The following P2RX1 variants were observed in gnomAD, a reference collection of about 807,000 sequenced individuals.
The protein encoded by P2RX1 is purinergic receptor P2X 1, also known as P2X purinoceptor 1.
A neutral mutation model predicts 50.3 loss-of-function variants in P2RX1; 42 were observed. That is an observed-to-expected ratio of 0.83 (90% confidence interval 0.65 to 1.08). The LOEUF is 1.08. Ranked by LOEUF, P2RX1 falls within the 50% of genes least tolerant of loss-of-function variation. The pLI, the probability that P2RX1 is intolerant of heterozygous loss-of-function variation, is 0.00. For synonymous variants in P2RX1, 199 were observed against 202.6 expected (o/e 0.98, Z 0.15); for missense variants, 449 against 529.0 (o/e 0.85, Z 1.48).
rs1313563140 is a variant in P2RX1, at chr17:3,904,916, A to G, written c.299T>C (p.Phe100Ser). 4.7e-6 allele frequency: 6 copies of G among 1,280,600 alleles called. No individual in the cohort carries two copies. The highest frequency in any genetic ancestry group is 6.3e-6 in the Non-Finnish European group (6 of 951,320). 79.3% of individuals were successfully genotyped at this position (1,280,600 alleles called of 1,614,324 possible). ...CACGATGAAATTGGTCATGACCACG[A>G]AGGAGTTGTCCCCCTAGAAGTGAGG... ...YVFPAQGDNS[F>S]VVMTNFIVTP... The change falls in exon 3 of 12, where the codon TTC (phenylalanine) becomes TCC (serine). Residue 100 changes from phenylalanine (F) to serine (S), a missense_variant. Physicochemically the swap from Phe to Ser is radical, Grantham distance 155. Transcript: ENST00000225538.
rs1248317445 is a variant in P2RX1, at chr17:3,898,633, C to A, written c.967-84G>T. The A allele has an allele frequency of 4.2e-5, 44 of 1,041,010 alleles. 1 individual carries two copies. The East Asian group carries it at 1.1e-3, about 26-fold the overall frequency. 64.5% of individuals were successfully genotyped at this position (1,041,010 alleles called of 1,614,324 possible). A position where few individuals can be genotyped will look rare whatever the true frequency, so the allele number is the denominator to read the frequency against. ...GGCCGGACCTGGGACAAGGGGACTT[C>A]CCCACCCTCGGCTGTGAACTGTCCC... is the stretch of plus-strand genomic sequence containing the variant. On this transcript the variant is annotated intron_variant, in intron 9 of 11. Transcript: ENST00000225538.
rs371696444 is a variant in P2RX1 at position 3,903,954 on chromosome 17, G to A, written c.498C>T (p.Pro166=). 2.5e-5 allele frequency: 41 copies of A among 1,613,794 alleles called. No individual in the cohort carries two copies. Among genetic ancestry groups the A allele is most frequent in the Admixed American group, 1.7e-4 (10 of 60,004 alleles). ...VKTCEIFGWC[P]VEVDDDIPRP... is the part of the protein sequence containing the mutation. ...GCGGGATGTCGTCATCCACCTCCAC[G>A]GGGCACCAGCCAAAGATCTCACACG... Residue 166 remains proline, a synonymous_variant, in exon 5 of 12, where the codon CCC becomes CCT. Transcript: ENST00000225538. This position sits in a 1 kb window ranked among gnomAD's most constrained non-coding sequence, Gnocchi z 4.6.
At position 3,905,285 on chromosome 17, in the gene P2RX1, C is replaced by G; in HGVS notation, c.220G>C (p.Val74Leu). Residue 74 changes from valine (V) to leucine (L), a missense_variant, in exon 2 of 12, where the codon GTG becomes CTG. Transcript: ENST00000225538. ...SVSVKLKGLA[V>L]TQLPGLGPQV... ...GGGCCGAGGCCAGGGAGCTGGGTCA[C>G]GGCCAGGCCCTTGAGTTTCACAGAG... 1 of 1,613,946 alleles carries G rather than the reference C, an allele frequency of 6.2e-7. No individual in the cohort carries two copies. Among genetic ancestry groups the G allele is most frequent in the Non-Finnish European group, 8.5e-7 (1 of 1,180,026 alleles).
chr17:3,903,146 T>C lies in P2RX1; in HGVS notation c.747+56A>G. 2.5e-6 allele frequency: 4 copies of C among 1,611,276 alleles called. No homozygotes were observed. Among genetic ancestry groups the C allele is most frequent in the Non-Finnish European group, 3.4e-6 (4 of 1,179,122 alleles). Reference sequence around the variant, plus strand: ...GAAGATGAACTGGGCCTAAAAAGCCTTTATCAGGATCCTGCGGCCCAGCCC... The same window carrying C: ...GAAGATGAACTGGGCCTAAAAAGCCCTTATCAGGATCCTGCGGCCCAGCCC... On this transcript the variant is annotated intron_variant, in intron 7 of 11. Transcript: ENST00000225538. This position sits in a 1 kb window ranked among gnomAD's most constrained non-coding sequence, Gnocchi z 4.6.
chr17:3,901,231 C>G (rs920955425), intron 7 of P2RX1, among the ~76,000 whole-genome samples: 3 of 152,176 alleles, frequency 2.0e-5, no homozygotes, highest in Non-Finnish European at 4.4e-5. Flanking sequence ...CCATGCCCGG[C>G]TAATTTTTTA....
rs189223014 is a variant in P2RX1, at chr17:3,901,274, A to G, written c.748-1513T>C. Among the ~76,000 whole-genome samples the G allele has an allele frequency of 6.3e-3, 958 of 152,290 alleles. 6 individuals are homozygous for G. Among genetic ancestry groups the G allele is most frequent in the Non-Finnish European group, 9.1e-3 (621 of 68,016 alleles). Reference sequence around the variant, plus strand: ...AGTAGAGACGGGGTTTCACCGTGTTAGCCAGGATGGTCTCGATCTCCTGAC... The same window carrying G: ...AGTAGAGACGGGGTTTCACCGTGTTGGCCAGGATGGTCTCGATCTCCTGAC... On this transcript the variant is annotated intron_variant, in intron 7 of 11. Coordinates refer to ENST00000225538, the MANE Select transcript of P2RX1 (RefSeq NM_002558.4).
chr17:3,903,490 T>A lies in P2RX1; in HGVS notation c.605+61A>T. 1 of 1,596,974 alleles carries A rather than the reference T, an allele frequency of 6.3e-7. No homozygotes were observed. The highest frequency in any genetic ancestry group is 8.6e-7 in the Non-Finnish European group (1 of 1,165,396). On this transcript the variant is annotated intron_variant, in intron 6 of 11. Transcript: ENST00000225538. The surrounding 1 kb of genome is among the most constrained non-coding windows in gnomAD (Gnocchi z 4.6). ...AGGAATGGAGGGAGACAGAGACAGC[T>A]GAGAGCTGCCGGAGCGGCCCCGGCC...
chr17:3,907,706 G>C (rs949432063), intron 1 of P2RX1, among the ~76,000 whole-genome samples: 3 of 152,210 alleles, frequency 2.0e-5, no homozygotes, highest in Non-Finnish European at 4.4e-5. Flanking sequence ...GATAGCAACA[G>C]GTGGAGGCAT....
chr17:3,913,707 C>G (rs1235001385), intron 1 of P2RX1, among the ~76,000 whole-genome samples: 1 of 152,212 alleles, frequency 6.6e-6, no homozygotes, highest in Non-Finnish European at 1.5e-5. Context: ...CTGTGTCCAC[C>G]CATCCCCCAC....
At chr17:3,907,395 A>G (rs1327642991) in intron 1 of P2RX1, among the ~76,000 whole-genome samples, 2 of 149,294 alleles carry the variant, frequency 1.3e-5, no homozygotes, top group Non-Finnish European at 3.0e-5. Context: ...GGCCAGATGT[A>G]TCATCCCCCT....
intron 7 of P2RX1, among the ~76,000 whole-genome samples, chr17:3,901,380 G>A (rs1284735527): frequency 1.3e-5 from 2 of 152,188 alleles, no homozygotes; most frequent in Non-Finnish European, 2.9e-5. Flanking sequence ...ATGACAGGGA[G>A]ATTTTTAGGA....
At position 3,896,864 on chromosome 17, in the gene P2RX1, T is replaced by C. The variant is rs1265786413; in HGVS notation, c.*950A>G. ...GCTTGGGGGTGTAGATGTGTGTAGA[T>C]GGTTGTGTTTGCAGGGCCCAAGCTG... On this transcript the variant is annotated 3_prime_UTR_variant, in exon 12 of 12. Transcript: ENST00000225538. The C allele has an allele frequency of 6.6e-6, 1 of 152,124 alleles. No homozygotes were observed. The allele number at this position is 152,124 out of a possible 1,614,324, so 9.4% of individuals were successfully genotyped here. A position where few individuals can be genotyped will look rare whatever the true frequency, so the allele number is the denominator to read the frequency against.
chr17:3,898,609 G>C, intron 9 of P2RX1, 60 bp from the exon 10 acceptor site: 2 of 1,353,526 alleles, frequency 1.5e-6, no homozygotes, highest in South Asian at 2.4e-5. Flanking sequence ...GCTGGAAAAG[G>C]CCGGACCTGG....
chr17:3,903,729 G>T lies in P2RX1; in HGVS notation c.525-98C>A. On this transcript the variant is annotated intron_variant, in intron 5 of 11. Coordinates refer to ENST00000225538, the MANE Select transcript of P2RX1 (RefSeq NM_002558.4). This position sits in a 1 kb window ranked among gnomAD's most constrained non-coding sequence, Gnocchi z 4.6. Reference sequence around the variant, plus strand: ...AGCAGGGGGTGGGCCGAGCCTCCGGGACCCGCCTGCAGCCCTGGGCTGGTG... The same window carrying T: ...AGCAGGGGGTGGGCCGAGCCTCCGGTACCCGCCTGCAGCCCTGGGCTGGTG... The T allele has an allele frequency of 7.4e-7, 1 of 1,344,238 alleles. No homozygotes were observed. Among genetic ancestry groups the T allele is most frequent in the South Asian group, 1.2e-5 (1 of 85,216 alleles). 83.3% of individuals were successfully genotyped at this position (1,344,238 alleles called of 1,614,324 possible).
At chr17:3,899,906 G>C (rs1322692381) in intron 7 of P2RX1, 145 bp from the exon 8 acceptor site, 2 of 995,714 alleles carry the variant, frequency 2.0e-6, no homozygotes, top group Admixed American at 3.6e-5. Flanking sequence ...TTCAAGACCA[G>C]TCTGGTCAAC....
chr17:3,898,354 G>T, intron 10 of P2RX1, 130 bp downstream of exon 10: 1 of 807,296 alleles, frequency 1.2e-6, no homozygotes, highest in South Asian at 1.4e-5. Context: ...TGGTGGGGTG[G>T]GCAGCTGCTG....
rs1454866122 is a variant in P2RX1, at chr17:3,916,096, C to G, written c.130G>C (p.Val44Leu). 19 of 1,613,360 alleles carry G rather than the reference C, an allele frequency of 1.2e-5. No homozygotes were observed. The highest frequency in any genetic ancestry group is 1.6e-5 in the Non-Finnish European group (19 of 1,179,984). ...GGAGGCGCCCGGACTCACCCGATGA[C>G]GTAGACCAGGACCACCAGCTGGATC... The part of the protein sequence containing the change: ...RLIQLVVLVY[V>L]IGWVFLYEKG... Residue 44 changes from valine (V) to leucine (L), a missense_variant, in exon 1 of 12, where the codon GTC becomes CTC. By Grantham distance (32) the Val-to-Leu change is conservative (BLOSUM62 1). Transcript: ENST00000225538.
In P2RX1 at chr17:3,903,330, C is replaced by T. The variant is rs760169774; in HGVS notation, c.619G>A (p.Glu207Lys). Residue 207 changes from glutamate to lysine, a missense_variant, in exon 7 of 12, where the codon GAG becomes AAG. Glu to Lys is a moderately conservative substitution (Grantham distance 56). Transcript: ENST00000225538. The surrounding 1 kb of genome is among the most constrained non-coding windows in gnomAD (Gnocchi z 4.6). The part of the protein sequence containing the change: ...RFKVNRRNLV[E>K]EVNAAHMKTC... Reference sequence around the variant, plus strand: ...TTCATGTGGGCAGCATTCACCTCCTCCACCAGGTTGCGCCTGTGGGGGTGG... The same window carrying T: ...TTCATGTGGGCAGCATTCACCTCCTTCACCAGGTTGCGCCTGTGGGGGTGG... The T allele has an allele frequency of 6.2e-7, 1 of 1,614,150 alleles. No homozygotes were observed. Among genetic ancestry groups the T allele is most frequent in the South Asian group, 1.1e-5 (1 of 91,084 alleles).
At chr17:3,905,412 C>G (rs1322073324) in intron 1 of P2RX1, 45 bp from the exon 2 acceptor site, 1 of 1,609,344 alleles carries the variant, frequency 6.2e-7, no homozygotes, top group East Asian at 2.2e-5. Context: ...GTGGCACCAG[C>G]TGGACCTGTC....
Sources: gnomAD v4.1 joint callset for allele counts (sites outside exome capture counted in the v4.1 genomes callset) on GRCh38, gnomAD v4.1.1 for gene constraint, Gnocchi (gnomAD v3.1) non-coding constraint, MANE v1.5 for transcripts, NCBI Gene and HGNC (gene_info 2026-07-23, HGNC 2026-07-21) for gene names.